Variants in NFIL3 observed in about 807,000 individuals in gnomAD.
NFIL3 encodes the protein nuclear factor interleukin-3-regulated protein.
A neutral mutation model predicts 10.0 loss-of-function variants in NFIL3; 5 were observed. The observed-to-expected ratio is 0.50, with a 90% CI of 0.26 to 1.06. The LOEUF (loss-of-function observed/expected upper bound fraction) is 1.06, where lower values mean the gene tolerates loss of function less well. Among genes scored for constraint, NFIL3 ranks in the 50% least tolerant of loss-of-function variants. The probability of loss-of-function intolerance (pLI) is 0.13; values close to 1 mark genes in which losing one functional copy is unlikely to be tolerated. For missense variants in NFIL3, 436 were observed against 547.6 expected (o/e 0.80, Z 2.03); for synonymous variants, 202 against 206.5 (o/e 0.98, Z 0.19).
chr9:91,458,654 T>A, the NFIL3 span, among the ~76,000 whole-genome samples: 2 of 152,196 alleles, frequency 1.3e-5, no homozygotes, highest in African/African-American at 2.4e-5. Context: ...TAAAAATTCT[T>A]ATATATTTAC....
At chr9:91,478,793 G>A in the NFIL3 span, among the ~76,000 whole-genome samples, 2 of 152,068 alleles carry the variant, frequency 1.3e-5, no homozygotes, top group South Asian at 4.2e-4. Context: ...CCTACCTTTG[G>A]TCTTTGATGT....
At chr9:91,429,909 T>C in the NFIL3 span, among the ~76,000 whole-genome samples, 1 of 152,134 alleles carries the variant, frequency 6.6e-6, no homozygotes, top group South Asian at 2.1e-4. Context: ...TCAGGAACTC[T>C]GTGGCTGTGG....
the NFIL3 span, among the ~76,000 whole-genome samples, chr9:91,476,533 A>G: frequency 6.6e-6 from 1 of 152,140 alleles, no homozygotes; most frequent in Admixed American, 6.6e-5. Flanking sequence ...AGATTGCGCC[A>G]CTGCACTCCA....
At chr9:91,452,710 T>C in the NFIL3 span, among the ~76,000 whole-genome samples, 228 of 146,842 alleles carry the variant, frequency 1.6e-3, 1 homozygote, top group African/African-American at 5.5e-3. Context: ...TCACTTGAAC[T>C]CGGGAGGCGG....
At chr9:91,456,851 T>C in the NFIL3 span, among the ~76,000 whole-genome samples, 1 of 152,136 alleles carries the variant, frequency 6.6e-6, no homozygotes, top group Non-Finnish European at 1.5e-5. Context: ...CTGTGATCCA[T>C]TTTGAATTAA....
the NFIL3 span, among the ~76,000 whole-genome samples, chr9:91,437,349 C>A: frequency 2.0e-5 from 3 of 152,106 alleles, no homozygotes; most frequent in African/African-American, 7.2e-5. Flanking sequence ...ACATATATAA[C>A]AAAATTTGCC....
the NFIL3 span, among the ~76,000 whole-genome samples, chr9:91,429,109 A>G: frequency 1.1e-4 from 16 of 152,262 alleles, no homozygotes; most frequent in Admixed American, 2.0e-4. Flanking sequence ...ATGAAGAATA[A>G]GACAAGACAG....
chr9:91,464,504 C>T, the NFIL3 span, among the ~76,000 whole-genome samples: 3 of 152,012 alleles, frequency 2.0e-5, no homozygotes, highest in African/African-American at 7.2e-5. Flanking sequence ...CATAATAGCC[C>T]CATACAATGT....
intron 1 of NFIL3, among the ~76,000 whole-genome samples, chr9:91,421,221 C>T (rs990148968): frequency 6.6e-6 from 1 of 152,016 alleles, no homozygotes; most frequent in African/African-American, 2.4e-5. Flanking sequence ...CTGCCCCTGT[C>T]TGCCCCGTGC....
chr9:91,476,210 C>T, the NFIL3 span, among the ~76,000 whole-genome samples: 1 of 152,164 alleles, frequency 6.6e-6, no homozygotes, highest in African/African-American at 2.4e-5. Flanking sequence ...AAACCCATAC[C>T]TCAATTCAGT....
the NFIL3 span, among the ~76,000 whole-genome samples, chr9:91,446,774 C>G: frequency 6.6e-6 from 1 of 151,896 alleles, no homozygotes; most frequent in Non-Finnish European, 1.5e-5. Flanking sequence ...CCCTCCCTTC[C>G]TTCCTCCCTC....
the NFIL3 span, among the ~76,000 whole-genome samples, chr9:91,454,103 G>A: frequency 0.42 from 63,162 of 151,104 alleles, 17,148 homozygotes; most frequent in African/African-American, 0.77. Context: ...CATGGGTGGC[G>A]CATGCCTGTA....
the NFIL3 span, among the ~76,000 whole-genome samples, chr9:91,459,525 T>C: frequency 2.0e-5 from 3 of 151,884 alleles, no homozygotes; most frequent in East Asian, 5.8e-4. Context: ...AATAACAAAA[T>C]TAAATAAAAA....
the NFIL3 span, among the ~76,000 whole-genome samples, chr9:91,468,577 A>G: frequency 2.6e-5 from 4 of 152,168 alleles, no homozygotes; most frequent in South Asian, 8.3e-4. Context: ...TTTTGTTGCC[A>G]TTGCTCTTGG....
At chr9:91,461,950 A>G in the NFIL3 span, among the ~76,000 whole-genome samples, 2 of 152,192 alleles carry the variant, frequency 1.3e-5, no homozygotes, top group Admixed American at 6.5e-5. Context: ...AATCACGGTC[A>G]TTGTTCTATA....
At chr9:91,455,866 A>G in the NFIL3 span, among the ~76,000 whole-genome samples, 3 of 152,290 alleles carry the variant, frequency 2.0e-5, 1 homozygote, top group Middle Eastern at 0.01. Context: ...AAAATTTTAA[A>G]AATTGCAACC....
the NFIL3 span, among the ~76,000 whole-genome samples, chr9:91,445,059 G>A: frequency 5.3e-5 from 8 of 152,156 alleles, no homozygotes; most frequent in Non-Finnish European, 1.0e-4. Flanking sequence ...TAAAGCTGGG[G>A]TCTGTTGCTC....
chr9:91,457,581 T>C, the NFIL3 span, among the ~76,000 whole-genome samples: 4 of 152,042 alleles, frequency 2.6e-5, no homozygotes, highest in Non-Finnish European at 4.4e-5. Context: ...CTGGTAGCTG[T>C]GTAGCACATT....
the NFIL3 span, among the ~76,000 whole-genome samples, chr9:91,429,339 G>A: frequency 3.3e-5 from 5 of 152,144 alleles, no homozygotes; most frequent in Non-Finnish European, 7.4e-5. Flanking sequence ...CAGATGGTTG[G>A]CCACGTTCCT....
Sources: allele counts gnomAD v4.1 joint callset (sites outside exome capture counted in the v4.1 genomes callset), GRCh38; gene constraint gnomAD v4.1.1; transcripts MANE v1.5; gene names NCBI Gene and HGNC (gene_info 2026-07-23, HGNC 2026-07-21).